The following IDE variants were observed in gnomAD, a reference collection of about 807,000 sequenced individuals.
IDE encodes the protein insulin degrading enzyme.
A neutral mutation model predicts 133.2 loss-of-function variants in IDE; 58 were observed. The observed-to-expected ratio is 0.44, with a 90% CI of 0.35 to 0.54. The LOEUF (loss-of-function observed/expected upper bound fraction) is 0.54, where lower values mean the gene tolerates loss of function less well. Among genes scored for constraint, IDE ranks in the 20% least tolerant of loss-of-function variants. The pLI, the probability that IDE is intolerant of heterozygous loss-of-function variation, is 0.00. For missense variants in IDE, 981 were observed against 1,234.0 expected (o/e 0.79, Z 3.07); for synonymous variants, 396 against 421.3 (o/e 0.94, Z 0.73).
chr10:92,539,063 C>T (rs1404539740), intron 1 of IDE, among the ~76,000 whole-genome samples: 1 of 152,130 alleles, frequency 6.6e-6, no homozygotes, highest in African/African-American at 2.4e-5. Context: ...GAAAAAAAAT[C>T]TAGTTTGCTT....
chr10:92,572,978 G>A (rs1843862702), intron 1 of IDE: 1 of 985,224 alleles, frequency 1.0e-6, no homozygotes, highest in Admixed American at 6.2e-5. Flanking sequence ...TTCCTTGGAA[G>A]GCAGACACAT....
chr10:92,461,238 C>T lies in IDE; in HGVS notation c.2776G>A (p.Ala926Thr), dbSNP rs150947060. The change falls in exon 22 of 25, where the codon GCA (alanine) becomes ACA (threonine). Residue 926 changes from alanine to threonine, a missense_variant. Ala to Thr is a moderately conservative substitution (Grantham distance 58, BLOSUM62 0). This residue lies in a region of IDE where 660 missense variants were observed against 894.7 expected (regional missense o/e 0.74). Coordinates refer to ENST00000265986, the MANE Select transcript of IDE (RefSeq NM_004969.4). ...YNFDRDNTEV[A>T]YLKTLTKEDI... is the part of the protein sequence containing the mutation. The stretch of plus-strand genomic sequence containing the variant: ...TCCTTGGTAAGTGTCTTTAAATATG[C>T]AACCTCAGTGTTATCTGAAAAAGTA... 4.1e-6 allele frequency: 6 copies of T among 1,454,336 alleles called. No homozygotes were observed. Among genetic ancestry groups the T allele is most frequent in the Non-Finnish European group, 5.8e-6 (6 of 1,035,580 alleles). The allele number at this position is 1,454,336 out of a possible 1,614,324, so 90.1% of individuals were successfully genotyped here.
Position 92,490,575 on chromosome 10 carries a change from G to C in IDE, c.1451C>G (p.Ser484Cys), listed in dbSNP as rs117251230. Residue 484 changes from serine to cysteine, a missense_variant, in exon 12 of 25, where the codon TCT becomes TGT. By Grantham distance (112) the Ser-to-Cys change is moderately radical. This residue lies in a region of IDE where 660 missense variants were observed against 894.7 expected (regional missense o/e 0.74). Transcript: ENST00000265986. ...ENVRVAIVSK[S>C]FEGKTDRTEE... ...TGTGCGATCAGTTTTTCCTTCAAAA[G>C]ATTTAGAAACTATGGCAACCCTAGA... 759 of 1,610,844 alleles carry C rather than the reference G, an allele frequency of 4.7e-4. 10 individuals carry two copies. In the East Asian group the frequency reaches 0.016, roughly 34 times the overall value.
rs58677427 is a variant in IDE at position 92,551,443 on chromosome 10, C to T, written c.99-13893G>A. ...ATTAGCTGGGAGTGGTGGTGCACACCTATAGTCCCAGATACTCAGGAGGCT... is the reference window on the plus strand; with the variant it reads ...ATTAGCTGGGAGTGGTGGTGCACACTTATAGTCCCAGATACTCAGGAGGCT... On this transcript the variant is annotated intron_variant, in intron 1 of 24. Transcript: ENST00000265986. Among the ~76,000 whole-genome samples the T allele has an allele frequency of 9.9e-4, 149 of 151,208 alleles. 4 individuals carry two copies. The East Asian group carries it at 0.025, about 25-fold the overall frequency.
chr10:92,510,095 T>C lies in IDE; in HGVS notation c.852A>G (p.Pro284=). 2.5e-6 allele frequency: 4 copies of C among 1,606,754 alleles called. No homozygotes were observed. Among genetic ancestry groups the C allele is most frequent in the Non-Finnish European group, 3.4e-6 (4 of 1,174,560 alleles). Residue 284 remains proline (P), a synonymous_variant, in exon 6 of 25, where the codon CCA becomes CCG. Transcript: ENST00000265986. ...LFSEVENKNV[P]LPEFPEHPFQ... ...AAGGGTGTTCAGGAAATTCTGGCAA[T>C]GGAACATTTTTGTTCTCTACTTCAG... is the stretch of plus-strand genomic sequence containing the variant.
intron 14 of IDE, among the ~76,000 whole-genome samples, chr10:92,482,698 A>T (rs1846686862): frequency 6.6e-6 from 1 of 152,198 alleles, no homozygotes; most frequent in Non-Finnish European, 1.5e-5. Flanking sequence ...TAGCTAACAT[A>T]AATCATTTCA....
At chr10:92,529,416 C>A (rs555330131) in intron 4 of IDE, among the ~76,000 whole-genome samples, 1 of 152,316 alleles carries the variant, frequency 6.6e-6, no homozygotes, top group South Asian at 2.1e-4. Context: ...TGTATTGAGT[C>A]TGGCTCACTT....
intron 4 of IDE, among the ~76,000 whole-genome samples, chr10:92,530,847 T>C (rs533251485): frequency 1.2e-4 from 18 of 152,342 alleles, no homozygotes; most frequent in African/African-American, 4.1e-4. Context: ...TTGGATACAT[T>C]AGGATGATAT....
chr10:92,527,434 C>G (rs1164058442), intron 4 of IDE, among the ~76,000 whole-genome samples: 2 of 151,922 alleles, frequency 1.3e-5, no homozygotes, highest in Admixed American at 1.3e-4. Flanking sequence ...GCCTTTTACT[C>G]TCTTATTAAT....
At chr10:92,563,665 G>A (rs577136552) in intron 1 of IDE, among the ~76,000 whole-genome samples, 2 of 151,846 alleles carry the variant, frequency 1.3e-5, no homozygotes, top group East Asian at 1.9e-4. Context: ...GCAGAGAATC[G>A]CTTCAACCTG....
chr10:92,481,795 G>T (rs1165833494), intron 14 of IDE, among the ~76,000 whole-genome samples: 1 of 152,188 alleles, frequency 6.6e-6, no homozygotes, highest in African/African-American at 2.4e-5. Flanking sequence ...TCAGTTCTAG[G>T]AAATGCGCTA....
chr10:92,561,042 CAGGAGTTCGAG>C (rs1843256349), intron 1 of IDE, among the ~76,000 whole-genome samples: 1 of 152,060 alleles, frequency 6.6e-6, no homozygotes, highest in South Asian at 2.1e-4. Context: ...CACCTGAGGT[CAGGAGTTCGAG>C]ACCAGCTTGG....
intron 24 of IDE, 43 bp from the exon 25 acceptor site, chr10:92,454,582 A>T (rs1446931095): frequency 1.1e-5 from 15 of 1,405,740 alleles, no homozygotes; most frequent in Non-Finnish European, 1.5e-5. Context: ...TAACCTAAAC[A>T]TCAGAATAAG....
chr10:92,462,923 G>C (rs116000897), intron 21 of IDE, among the ~76,000 whole-genome samples: 1 of 152,098 alleles, frequency 6.6e-6, no homozygotes, highest in Non-Finnish European at 1.5e-5. Context: ...TAGGCTGGAC[G>C]TGGTGGCTCA....
chr10:92,499,796 G>C (rs528224153), intron 11 of IDE, among the ~76,000 whole-genome samples: 2 of 152,206 alleles, frequency 1.3e-5, no homozygotes, highest in African/African-American at 4.8e-5. Context: ...CTATCGCAAG[G>C]TTTTGAAGAT....
chr10:92,516,110 G>A (rs781664362), intron 4 of IDE, among the ~76,000 whole-genome samples: 17 of 147,908 alleles, frequency 1.1e-4, no homozygotes, highest in East Asian at 6.3e-4. Flanking sequence ...CAGAAGTTGC[G>A]GTGAGCCGAA....
intron 2 of IDE, among the ~76,000 whole-genome samples, chr10:92,536,427 AGT>A (rs1429917370): frequency 7.0e-6 from 1 of 142,326 alleles, no homozygotes; most frequent in African/African-American, 2.6e-5. Context: ...GGCTGGGAGC[AGT>A]GGCTCACGCC....
intron 4 of IDE, among the ~76,000 whole-genome samples, chr10:92,518,111 CT>C (rs1477952581): frequency 2.0e-5 from 3 of 151,974 alleles, no homozygotes; most frequent in Non-Finnish European, 2.9e-5. Flanking sequence ...TTGAAGTTCT[CT>C]CGTATCAAGG....
chr10:92,508,975 G>A, intron 6 of IDE, 85 bp from the exon 7 acceptor site: 6 of 1,092,672 alleles, frequency 5.5e-6, no homozygotes, highest in South Asian at 2.9e-5. Flanking sequence ...GATTTTCATG[G>A]GAGAATCCCA....
Sources: allele counts gnomAD v4.1 joint callset (sites outside exome capture counted in the v4.1 genomes callset), GRCh38; gene constraint gnomAD v4.1.1; regional missense constraint gnomAD v4.1.1; transcripts MANE v1.5; gene names NCBI Gene and HGNC (gene_info 2026-07-23, HGNC 2026-07-21).